The following SFSWAP variants were observed in gnomAD, a reference collection of about 807,000 sequenced individuals.
The protein encoded by SFSWAP is splicing factor, suppressor of white-apricot homolog.
Under a neutral mutation model 100.7 loss-of-function variants are expected in SFSWAP, and 17 were observed. The observed-to-expected ratio is 0.17, with a 90% CI of 0.12 to 0.25. SFSWAP has a LOEUF of 0.25. SFSWAP is among the 10% of genes least tolerant of loss of function. The probability of loss-of-function intolerance (pLI) is 1.00; values close to 1 mark genes in which losing one functional copy is unlikely to be tolerated. For missense variants in SFSWAP, 1,005 were observed against 1,262.6 expected (o/e 0.80, Z 3.09); for synonymous variants, 504 against 510.1 (o/e 0.99, Z 0.16).
chr12:131,767,459 T>C (rs1883205540), intron 13 of SFSWAP, among the ~76,000 whole-genome samples: 1 of 152,212 alleles, frequency 6.6e-6, no homozygotes, highest in Non-Finnish European at 1.5e-5. Context: ...AGAAAAATAA[T>C]AGAGTAGGAC....
chr12:131,745,020 A>G (rs1479541959), intron 7 of SFSWAP, among the ~76,000 whole-genome samples: 1 of 152,178 alleles, frequency 6.6e-6, no homozygotes, highest in Non-Finnish European at 1.5e-5. Context: ...CCCACAACAC[A>G]TGGGAATTGT....
At chr12:131,717,814 T>C (rs1878070119) in intron 3 of SFSWAP, among the ~76,000 whole-genome samples, 1 of 152,226 alleles carries the variant, frequency 6.6e-6, no homozygotes, top group South Asian at 2.1e-4. Flanking sequence ...CACTGCAACC[T>C]CCACCTCCCG....
At position 131,733,559 on chromosome 12, in the gene SFSWAP, C is replaced by T. The variant is rs374956668; in HGVS notation, c.1081+5131C>T. Among the ~76,000 whole-genome samples the T allele has an allele frequency of 6.6e-6, 1 of 151,934 alleles. No homozygotes were observed. The highest frequency in any genetic ancestry group is 2.4e-5 in the African/African-American group (1 of 41,358). On this transcript the variant is annotated intron_variant, in intron 7 of 17. Coordinates refer to ENST00000261674, the MANE Select transcript of SFSWAP (RefSeq NM_004592.4). The surrounding 1 kb of genome is among the most constrained non-coding windows in gnomAD (Gnocchi z 5.1). ...CAGTGGAGCCAAGGCTGGAGGTGGG[C>T]GCAGCTCCATGTTCTCGGGGGATTT...
At position 131,755,480 on chromosome 12, in the gene SFSWAP, G is replaced by A; in HGVS notation, c.1548+1G>A. 6.2e-7 allele frequency: 1 copy of A among 1,603,792 alleles called. No individual in the cohort carries two copies. Among genetic ancestry groups the A allele is most frequent in the Middle Eastern group, 1.7e-4 (1 of 6,038 alleles). ...GAAAGAAGGGGGCGATAGCATGCAG[G>A]TACGTGTCTGAATGCAGGGAGGCTG... On this transcript the variant is annotated splice_donor_variant, in intron 10 of 17. Transcript: ENST00000261674. LOFTEE classifies it high-confidence loss of function.
chr12:131,726,489 C>A (rs1878993543), intron 5 of SFSWAP, among the ~76,000 whole-genome samples: 1 of 152,208 alleles, frequency 6.6e-6, no homozygotes, highest in South Asian at 2.1e-4. Flanking sequence ...GGATTACAGG[C>A]GTGAGCCACT....
intron 7 of SFSWAP, among the ~76,000 whole-genome samples, chr12:131,731,347 C>T (rs1879493108): frequency 6.6e-6 from 1 of 152,200 alleles, no homozygotes; most frequent in Admixed American, 6.5e-5. Flanking sequence ...CTCTGCTACC[C>T]TTTGAGTACC....
At chr12:131,751,172 A>G (rs754977733) in intron 7 of SFSWAP, among the ~76,000 whole-genome samples, 3 of 152,180 alleles carry the variant, frequency 2.0e-5, no homozygotes, top group Non-Finnish European at 4.4e-5. Context: ...CAGTTTCTTC[A>G]TCTCTGTTGT....
chr12:131,735,071 C>T (rs1368679104), intron 7 of SFSWAP, among the ~76,000 whole-genome samples: 5 of 152,168 alleles, frequency 3.3e-5, no homozygotes, highest in Non-Finnish European at 7.3e-5. Flanking sequence ...CACAGGCACT[C>T]GGACTCCAGA....
intron 11 of SFSWAP, among the ~76,000 whole-genome samples, chr12:131,762,821 G>C (rs544086186): frequency 3.2e-4 from 49 of 152,120 alleles, no homozygotes; most frequent in Middle Eastern, 3.2e-3. Context: ...TGCTGGTCTT[G>C]AACTCCTGAT....
At chr12:131,780,260 C>T (rs1884393109) in intron 14 of SFSWAP, among the ~76,000 whole-genome samples, 1 of 152,198 alleles carries the variant, frequency 6.6e-6, no homozygotes, top group Non-Finnish European at 1.5e-5. Flanking sequence ...AAAAAGAAAC[C>T]TTGCTATTTT....
At chr12:131,776,309 C>G (rs1164968508) in intron 13 of SFSWAP, among the ~76,000 whole-genome samples, 2 of 152,082 alleles carry the variant, frequency 1.3e-5, no homozygotes, top group Admixed American at 6.6e-5. Context: ...GGAATTCATC[C>G]CTGCCCTCTT....
rs1438711068 is a variant in SFSWAP at position 131,733,197 on chromosome 12, C to T, written c.1081+4769C>T. Among the ~76,000 whole-genome samples the T allele has an allele frequency of 4.6e-5, 7 of 152,136 alleles. No individual in the cohort carries two copies. Among genetic ancestry groups the T allele is most frequent in the Admixed American group, 3.9e-4 (6 of 15,284 alleles). ...GTATGAGAGCGGGCGGGGGATGGCG[C>T]GGTCTCCCTGGTACTTACTGGGCAG... On this transcript the variant is annotated intron_variant, in intron 7 of 17. Coordinates refer to ENST00000261674, the MANE Select transcript of SFSWAP (RefSeq NM_004592.4). This position sits in a 1 kb window ranked among gnomAD's most constrained non-coding sequence, Gnocchi z 5.1.
chr12:131,785,012 TGG>T, intron 14 of SFSWAP: 1 of 1,374,650 alleles, frequency 7.3e-7, no homozygotes, highest in Admixed American at 2.5e-5. Flanking sequence ...TTCAGAGTTC[TGG>T]TAGCGCCCAG....
intron 13 of SFSWAP, among the ~76,000 whole-genome samples, chr12:131,773,950 C>T (rs1489262120): frequency 6.6e-6 from 1 of 152,154 alleles, no homozygotes; most frequent in African/African-American, 2.4e-5. Context: ...CCCACGAGGG[C>T]CAAAGACCCA....
At chr12:131,732,968 G>A (rs1208345679) in intron 7 of SFSWAP, among the ~76,000 whole-genome samples, 2 of 152,194 alleles carry the variant, frequency 1.3e-5, no homozygotes, top group Non-Finnish European at 2.9e-5. Flanking sequence ...TGTCCTTGGA[G>A]CACGTCAGCT....
intron 7 of SFSWAP, among the ~76,000 whole-genome samples, chr12:131,737,594 C>T (rs753504923): frequency 1.3e-5 from 2 of 152,100 alleles, no homozygotes; most frequent in African/African-American, 4.8e-5. Flanking sequence ...ATCTTTCCCC[C>T]GTAGAGACTT....
At chr12:131,732,407 C>T (rs1879600690) in intron 7 of SFSWAP, among the ~76,000 whole-genome samples, 1 of 152,168 alleles carries the variant, frequency 6.6e-6, no homozygotes, top group Non-Finnish European at 1.5e-5. Context: ...AAGAAAAGAC[C>T]TAAACTCATG....
chr12:131,728,380 G>C lies in SFSWAP; in HGVS notation c.1033G>C (p.Ala345Pro). ...ADSSTPTPHN[A>P]DGAPVQPSQV... ...CAGTTCCACTCCCACCCCACACAACGCAGACGGTGCGCCTGTGCAGCCCTC... is the reference window on the plus strand; with the variant it reads ...CAGTTCCACTCCCACCCCACACAACCCAGACGGTGCGCCTGTGCAGCCCTC... The change falls in exon 7 of 18, where the codon GCA (alanine) becomes CCA (proline). Residue 345 changes from alanine to proline, a missense_variant. Physicochemically the swap from Ala to Pro is conservative, Grantham distance 27. Coordinates refer to ENST00000261674, the MANE Select transcript of SFSWAP (RefSeq NM_004592.4). The C allele has an allele frequency of 1.2e-6, 2 of 1,614,190 alleles. No individual in the cohort carries two copies. Among genetic ancestry groups the C allele is most frequent in the Non-Finnish European group, 8.5e-7 (1 of 1,180,044 alleles).
chr12:131,732,462 T>C (rs1294574786), intron 7 of SFSWAP, among the ~76,000 whole-genome samples: 1 of 152,142 alleles, frequency 6.6e-6, no homozygotes, highest in Non-Finnish European at 1.5e-5. Context: ...ATGAGGTTGG[T>C]GGGCTATTTT....
Sources: allele counts gnomAD v4.1 joint callset (sites outside exome capture counted in the v4.1 genomes callset), GRCh38; gene constraint gnomAD v4.1.1; non-coding constraint Gnocchi (gnomAD v3.1); transcripts MANE v1.5; gene names NCBI Gene and HGNC (gene_info 2026-07-23, HGNC 2026-07-21).